PLPP4: variants seen among roughly 807,000 people sequenced by gnomAD.
PLPP4 encodes diacylglycerol pyrophosphate like 2.
In PLPP4, 20 loss-of-function variants were observed where a neutral mutation model predicts 32.2. The observed-to-expected ratio is 0.62, with a 90% CI of 0.44 to 0.90. The LOEUF (loss-of-function observed/expected upper bound fraction) is 0.90, where lower values mean the gene tolerates loss of function less well. Ranked by LOEUF, PLPP4 falls within the 40% of genes least tolerant of loss-of-function variation. The pLI is 0.00. For missense variants in PLPP4, 257 were observed against 353.1 expected (o/e 0.73, Z 2.18); for synonymous variants, 127 against 133.0 (o/e 0.95, Z 0.31).
chr10:120,503,654 C>T (rs372510421), intron 1 of PLPP4, 164 bp from the exon 2 acceptor site: 20 of 1,598,534 alleles, frequency 1.3e-5, no homozygotes, highest in Middle Eastern at 3.3e-4. Context: ...CAGTCCTTCC[C>T]AAGCCTTTGA....
chr10:120,486,871 G>A (rs578007319), intron 1 of PLPP4, among the ~76,000 whole-genome samples: 1 of 152,280 alleles, frequency 6.6e-6, no homozygotes, highest in African/African-American at 2.4e-5. Flanking sequence ...TACTTTGCCT[G>A]CCTTAAGGTC....
At chr10:120,533,870 C>T (rs1018904521) in intron 5 of PLPP4, among the ~76,000 whole-genome samples, 6 of 152,018 alleles carry the variant, frequency 3.9e-5, no homozygotes, top group Admixed American at 3.3e-4. Context: ...TAGTCCAATC[C>T]GACTTTGCTC....
intron 5 of PLPP4, among the ~76,000 whole-genome samples, chr10:120,561,235 CAT>C (rs1848418433): frequency 6.6e-6 from 1 of 152,172 alleles, no homozygotes; most frequent in African/African-American, 2.4e-5. Context: ...TTTTTAAACA[CAT>C]GTCTTTCAAT....
At chr10:120,533,968 C>T (rs936233146) in intron 5 of PLPP4, among the ~76,000 whole-genome samples, 5 of 152,116 alleles carry the variant, frequency 3.3e-5, no homozygotes, top group African/African-American at 1.2e-4. Flanking sequence ...ATGTATCATT[C>T]TTTATTACTG....
intron 5 of PLPP4, among the ~76,000 whole-genome samples, chr10:120,522,614 C>T (rs764486784): frequency 3.3e-5 from 5 of 152,146 alleles, no homozygotes; most frequent in Non-Finnish European, 5.9e-5. Flanking sequence ...TTGTTGGAAA[C>T]GGTGGTGAGT....
intron 3 of PLPP4, among the ~76,000 whole-genome samples, chr10:120,517,021 A>G (rs1013238528): frequency 3.9e-5 from 6 of 152,336 alleles, no homozygotes; most frequent in African/African-American, 1.4e-4. Flanking sequence ...TATCATATCC[A>G]TACATTTTCC....
At chr10:120,470,514 A>G (rs1358187274) in intron 1 of PLPP4, among the ~76,000 whole-genome samples, 1 of 152,242 alleles carries the variant, frequency 6.6e-6, no homozygotes, top group Admixed American at 6.5e-5. Flanking sequence ...CACCCAAAAC[A>G]TAAATATTCT....
At chr10:120,459,846 G>A (rs949655490) in intron 1 of PLPP4, among the ~76,000 whole-genome samples, 2 of 152,168 alleles carry the variant, frequency 1.3e-5, no homozygotes, top group Non-Finnish European at 2.9e-5. Flanking sequence ...CCTGTTACCC[G>A]TAGCCCATAT....
At chr10:120,479,589 G>A (rs574064290) in intron 1 of PLPP4, among the ~76,000 whole-genome samples, 6 of 152,280 alleles carry the variant, frequency 3.9e-5, no homozygotes, top group Admixed American at 1.3e-4. Flanking sequence ...CTTGCCTGTC[G>A]GGATCATTGC....
chr10:120,571,126 G>GTGTGTGTGTA, intron 5 of PLPP4, among the ~76,000 whole-genome samples: 1 of 133,040 alleles, frequency 7.5e-6, no homozygotes, highest in Admixed American at 7.6e-5. Flanking sequence ...GTGTGTGTGT[G>GTGTGTGTGTA]TGTGTGGTCT....
intron 5 of PLPP4, among the ~76,000 whole-genome samples, chr10:120,529,514 TG>T (rs1177630201): frequency 6.6e-6 from 1 of 150,472 alleles, no homozygotes; most frequent in African/African-American, 2.4e-5. Flanking sequence ...TTGATTTCTA[TG>T]AAAAAAAGAT....
intron 5 of PLPP4, among the ~76,000 whole-genome samples, chr10:120,544,266 T>C (rs1270271676): frequency 6.6e-6 from 1 of 152,174 alleles, no homozygotes; most frequent in Non-Finnish European, 1.5e-5. Context: ...CCAATACTTG[T>C]TATTTTCGGT....
Position 120,589,413 on chromosome 10 carries a change from G to A in PLPP4, c.727G>A (p.Val243Ile). ...CCATAAACCCTACGTTAGTCTGCGA[G>A]TCCCAGCCTCACTGAAGAAAGAGGA... ...ACHKPYVSLR[V>I]PASLKKEERP... Residue 243 changes from valine to isoleucine, a missense_variant, in exon 7 of 7, where the codon GTC becomes ATC. Transcript: ENST00000398250. The A allele has an allele frequency of 6.2e-7, 1 of 1,614,122 alleles. No individual in the cohort carries two copies. The highest frequency in any genetic ancestry group is 1.7e-5 in the Admixed American group (1 of 60,012).
At chr10:120,588,382 C>A (rs1473774706) in intron 6 of PLPP4, among the ~76,000 whole-genome samples, 1 of 152,242 alleles carries the variant, frequency 6.6e-6, no homozygotes, top group Non-Finnish European at 1.5e-5. Context: ...TCCCCTCTTG[C>A]CTCCCAGCTG....
At chr10:120,509,852 C>A (rs970995267) in intron 2 of PLPP4, among the ~76,000 whole-genome samples, 9 of 152,174 alleles carry the variant, frequency 5.9e-5, no homozygotes, top group African/African-American at 9.7e-5. Context: ...AGCCTCCTTA[C>A]CTTTCTTTTT....
At chr10:120,543,700 A>G (rs1259919099) in intron 5 of PLPP4, among the ~76,000 whole-genome samples, 3 of 152,106 alleles carry the variant, frequency 2.0e-5, no homozygotes, top group African/African-American at 7.2e-5. Context: ...AGCCATCACC[A>G]CCATCTATCC....
At chr10:120,470,775 C>T (rs551864679) in intron 1 of PLPP4, among the ~76,000 whole-genome samples, 5 of 152,048 alleles carry the variant, frequency 3.3e-5, no homozygotes, top group South Asian at 4.2e-4. Context: ...TTTGCCCCCC[C>T]GTACTCACCC....
intron 4 of PLPP4, among the ~76,000 whole-genome samples, chr10:120,520,192 C>A (rs1315568746): frequency 2.0e-5 from 3 of 152,164 alleles, no homozygotes; most frequent in Admixed American, 2.0e-4. Flanking sequence ...CCCAGGGCCA[C>A]CCCTATGTGC....
At chr10:120,551,329 T>C (rs76996071) in intron 5 of PLPP4, among the ~76,000 whole-genome samples, 131 of 152,344 alleles carry the variant, frequency 8.6e-4, no homozygotes, top group African/African-American at 3.1e-3. Context: ...CAGTTTCTTA[T>C]AAAGTAATCA....
Sources: allele counts gnomAD v4.1 joint callset (sites outside exome capture counted in the v4.1 genomes callset), GRCh38; gene constraint gnomAD v4.1.1; transcripts MANE v1.5; gene names NCBI Gene and HGNC (gene_info 2026-07-23, HGNC 2026-07-21).